The following CRADD variants were observed in gnomAD, a reference collection of about 807,000 sequenced individuals.
CRADD encodes the protein CARD and death domain containing adaptor protein.
CRADD carries 9 observed loss-of-function variants against 15.5 expected under a neutral mutation model. The observed-to-expected ratio is 0.58, with a 90% CI of 0.35 to 1.01. The LOEUF is 1.01. CRADD is among the 50% of genes least tolerant of loss of function. The pLI is 0.02. For missense variants in CRADD, 227 were observed against 250.3 expected, an observed-to-expected ratio of 0.91 and a Z score of 0.63; for synonymous variants, 118 against 107.6, an observed-to-expected ratio of 1.10 and a Z score of -0.60.
chr12:93,808,318 C>A (rs1395041683), intron 2 of CRADD, among the ~76,000 whole-genome samples: 1 of 152,122 alleles, frequency 6.6e-6, no homozygotes, highest in South Asian at 2.1e-4. Flanking sequence ...GAATGAGGAA[C>A]AAAGTCATGT....
chr12:93,849,855 A>G (rs887062056), intron 2 of CRADD, 115 bp from the exon 3 acceptor site: 17 of 704,778 alleles, frequency 2.4e-5, no homozygotes, highest in African/African-American at 1.1e-4. Flanking sequence ...ACAAGAGCCA[A>G]TTGGCTCTGC....
At chr12:93,823,151 G>T (rs1011636331) in intron 2 of CRADD, among the ~76,000 whole-genome samples, 8 of 152,252 alleles carry the variant, frequency 5.3e-5, no homozygotes, top group African/African-American at 1.9e-4. Context: ...AATTAGCCTG[G>T]CGTGGTGGCA....
intron 2 of CRADD, among the ~76,000 whole-genome samples, chr12:93,803,457 A>G (rs1316899584): frequency 6.6e-6 from 1 of 152,146 alleles, no homozygotes; most frequent in East Asian, 1.9e-4. Context: ...AGCAAGAAAA[A>G]AAATATCTAC....
chr12:93,678,959 C>T lies in CRADD; in HGVS notation c.185C>T (p.Pro62Leu). 2 of 1,614,046 alleles carry T rather than the reference C, an allele frequency of 1.2e-6. No homozygotes were observed. Among genetic ancestry groups the T allele is most frequent in the Non-Finnish European group, 8.5e-7 (1 of 1,179,914 alleles). The change falls in exon 2 of 3, where the codon CCT (proline) becomes CTT (leucine). Residue 62 changes from proline to leucine, a missense_variant. Coordinates refer to ENST00000332896, the MANE Select transcript of CRADD (RefSeq NM_003805.5). ...ACAATGCTCCTGCTGGATATCCTAC[C>T]TTCCAGGGGCCCTAAAGCATTTGAT... ...RKTMLLLDIL[P>L]SRGPKAFDTF...
At chr12:93,814,761 G>A (rs1476079482) in intron 2 of CRADD, among the ~76,000 whole-genome samples, 1 of 152,064 alleles carries the variant, frequency 6.6e-6, no homozygotes, top group African/African-American at 2.4e-5. Context: ...CAGAAGACAA[G>A]TCATTTTCAT....
At position 93,868,121 on chromosome 12, in the gene CRADD, G is replaced by T. The variant is rs200862985; in HGVS notation, c.299-25929G>T. Among the ~76,000 whole-genome samples, 27 of 152,282 alleles carry T rather than the reference G, an allele frequency of 1.8e-4. No homozygotes were observed. The East Asian group carries it at 4.8e-3, about 27-fold the overall frequency. The stretch of plus-strand genomic sequence containing the variant: ...GTAATTATTTATTAAAATTATAAAT[G>T]TGGATTTAGTTTGACTCAACATTTC... On this transcript the variant is annotated intron_variant, in intron 2 of 2. Coordinates refer to the CRADD transcript ENST00000548483.
intron 2 of CRADD, among the ~76,000 whole-genome samples, chr12:93,763,107 C>T (rs895051885): frequency 6.6e-6 from 1 of 152,236 alleles, no homozygotes; most frequent in African/African-American, 2.4e-5. Context: ...TAAGGTGAGC[C>T]TTTCCCTCCC....
intron 2 of CRADD, among the ~76,000 whole-genome samples, chr12:93,700,499 C>T (rs1767461507): frequency 6.6e-6 from 1 of 152,026 alleles, no homozygotes; most frequent in Non-Finnish European, 1.5e-5. Context: ...GGCTTGATCT[C>T]TGCTCAGTAC....
chr12:93,719,875 C>T (rs1956228580), intron 2 of CRADD, among the ~76,000 whole-genome samples: 1 of 152,034 alleles, frequency 6.6e-6, no homozygotes. Flanking sequence ...TCTATCTTTT[C>T]AAAGAGCAAA....
At chr12:93,796,754 C>T (rs1185184202) in intron 2 of CRADD, among the ~76,000 whole-genome samples, 6 of 152,120 alleles carry the variant, frequency 3.9e-5, no homozygotes, top group Non-Finnish European at 8.8e-5. Flanking sequence ...CCCCTATTTT[C>T]TAAGACCCCA....
chr12:93,819,204 A>G (rs1202878323), intron 2 of CRADD, among the ~76,000 whole-genome samples: 1 of 152,230 alleles, frequency 6.6e-6, no homozygotes, highest in Non-Finnish European at 1.5e-5. Context: ...AAGGATTCAG[A>G]AGGAATAAAC....
intron 2 of CRADD, among the ~76,000 whole-genome samples, chr12:93,697,934 G>A (rs889606334): frequency 6.6e-6 from 1 of 152,066 alleles, no homozygotes; most frequent in Admixed American, 6.6e-5. Flanking sequence ...AATGAACTAG[G>A]GTAAACTTTG....
intron 2 of CRADD, among the ~76,000 whole-genome samples, chr12:93,867,404 TTTTTTAAACTTGGAAGTCCAAG>T (rs1958378987): frequency 1.2e-4 from 15 of 127,126 alleles, no homozygotes; most frequent in Middle Eastern, 4.4e-3. Flanking sequence ...TATATATATA[TTTTTTAAACTTGGAAGTCCAAG>T]ATCAATATAT....
intron 2 of CRADD, among the ~76,000 whole-genome samples, chr12:93,764,606 G>A (rs1362403868): frequency 6.6e-6 from 1 of 152,018 alleles, no homozygotes; most frequent in Non-Finnish European, 1.5e-5. Flanking sequence ...CATGGGTGGG[G>A]GAGGGTTTAA....
At chr12:93,774,302 T>G (rs1480580902) in intron 2 of CRADD, among the ~76,000 whole-genome samples, 1 of 152,172 alleles carries the variant, frequency 6.6e-6, no homozygotes, top group Non-Finnish European at 1.5e-5. Context: ...TTCTTCTTCA[T>G]AGATTCCTAG....
chr12:93,825,738 C>T (rs569591157), intron 2 of CRADD, among the ~76,000 whole-genome samples: 9 of 152,228 alleles, frequency 5.9e-5, no homozygotes, highest in South Asian at 2.1e-4. Flanking sequence ...AACCTCTTTC[C>T]GGCAAAAGGT....
intron 2 of CRADD, among the ~76,000 whole-genome samples, chr12:93,792,776 C>T (rs962783589): frequency 5.9e-5 from 9 of 152,172 alleles, no homozygotes; most frequent in Admixed American, 4.6e-4. Context: ...CTCCCAAGGT[C>T]ATGTAGCTAC....
chr12:93,695,202 A>G lies in CRADD; in HGVS notation c.298+16130A>G, dbSNP rs143016585. The stretch of plus-strand genomic sequence containing the variant: ...CAGTTGATTTTCAACAAAGGTGCCA[A>G]TAAGACACACTGGAGAAAGGACAGT... On this transcript the variant is annotated intron_variant, in intron 2 of 2. Transcript: ENST00000332896. 4.7e-3 allele frequency among the ~76,000 whole-genome samples: 721 copies of G among 152,352 alleles called. 1 individual carries two copies. Among genetic ancestry groups the G allele is most frequent in the Non-Finnish European group, 8.0e-3 (542 of 68,030 alleles).
At position 93,755,223 on chromosome 12, in the gene CRADD, G is replaced by A. The variant is rs190127516; in HGVS notation, c.298+76151G>A. 3.9e-5 allele frequency among the ~76,000 whole-genome samples: 6 copies of A among 152,214 alleles called. No homozygotes were observed. The East Asian group carries it at 1.2e-3, about 29-fold the overall frequency. On this transcript the variant is annotated intron_variant, in intron 2 of 2. Transcript: ENST00000332896. ...CCCTCCCATGACATGTGGGTATTAT[G>A]GGAGCTACAATTCAAGATGATATTT...
Sources: allele counts gnomAD v4.1 joint callset (sites outside exome capture counted in the v4.1 genomes callset), GRCh38; gene constraint gnomAD v4.1.1; transcripts MANE v1.5; gene names NCBI Gene and HGNC (gene_info 2026-07-23, HGNC 2026-07-21).